The following PEMT variants were observed in gnomAD, a reference collection of about 807,000 sequenced individuals.
PEMT encodes the protein phosphatidylethanolamine N-methyltransferase, also known as phospholipid methyltransferase.
Under a neutral mutation model 27.4 loss-of-function variants are expected in PEMT, and 23 were observed. The ratio of observed to expected loss-of-function variants is 0.84; its 90% CI spans 0.60 to 1.19. PEMT has a LOEUF of 1.19. PEMT is among the 50% of genes most tolerant of loss of function. The pLI, the probability that PEMT is intolerant of heterozygous loss-of-function variation, is 0.00. For synonymous variants in PEMT, 137 were observed against 139.1 expected, an observed-to-expected ratio of 0.98 and a Z score of 0.11; for missense variants, 307 against 310.1, an observed-to-expected ratio of 0.99 and a Z score of 0.07.
At chr17:17,530,046 C>T (rs1370597072) in intron 2 of PEMT, among the ~76,000 whole-genome samples, 1 of 152,204 alleles carries the variant, frequency 6.6e-6, no homozygotes, top group East Asian at 1.9e-4. Context: ...GGGGAAGATA[C>T]ACACACAGAC....
At chr17:17,576,176 C>T (rs767895644) in intron 2 of PEMT, among the ~76,000 whole-genome samples, 55 of 152,114 alleles carry the variant, frequency 3.6e-4, no homozygotes, top group Non-Finnish European at 7.4e-5. Context: ...GCCAGGAACC[C>T]CAAGAGCTTC....
intron 3 of PEMT, among the ~76,000 whole-genome samples, chr17:17,515,460 C>A (rs1229616886): frequency 4.0e-5 from 6 of 151,084 alleles, no homozygotes; most frequent in Admixed American, 3.9e-4. Context: ...AGTCCTGGGG[C>A]CTTTCCTTTC....
rs997266925 is a variant in PEMT at position 17,561,520 on chromosome 17, G to A, written c.204+15400C>T. The stretch of plus-strand genomic sequence containing the variant: ...GGGGGAAGCGGACGGTAAGGCTGGA[G>A]GTAGGAAGAGGGAACAGACGAGGGT... On this transcript the variant is annotated intron_variant, in intron 2 of 6. Coordinates refer to ENST00000255389, the MANE Select transcript of PEMT (RefSeq NM_148172.3). This position sits in a 1 kb window ranked among gnomAD's most constrained non-coding sequence, Gnocchi z 4.5. Among the ~76,000 whole-genome samples, 5 of 152,188 alleles carry A rather than the reference G, an allele frequency of 3.3e-5. No homozygotes were observed. Among genetic ancestry groups the A allele is most frequent in the African/African-American group, 1.2e-4 (5 of 41,446 alleles).
intron 2 of PEMT, chr17:17,565,384 C>T (rs1910763623): frequency 6.6e-6 from 1 of 152,432 alleles, no homozygotes; most frequent in African/African-American, 2.4e-5. Context: ...ATCTCAAGGT[C>T]CAGCAGTAAC....
Position 17,561,886 on chromosome 17 carries a change from G to A in PEMT, c.204+15034C>T, listed in dbSNP as rs1259550471. Among the ~76,000 whole-genome samples the A allele has an allele frequency of 6.6e-6, 1 of 152,212 alleles. No individual in the cohort carries two copies. The highest frequency in any genetic ancestry group is 2.4e-5 in the African/African-American group (1 of 41,456). On this transcript the variant is annotated intron_variant, in intron 2 of 6. Transcript: ENST00000255389. This position sits in a 1 kb window ranked among gnomAD's most constrained non-coding sequence, Gnocchi z 4.5. ...CCACAGGAAGTCCAGTCATAATATT[G>A]ACACAGGCAGGGCACACAGCAGCCG... is the stretch of plus-strand genomic sequence containing the variant.
intron 3 of PEMT, chr17:17,517,837 G>A (rs1383173994): frequency 9.2e-6 from 3 of 327,598 alleles, no homozygotes; most frequent in Non-Finnish European, 1.3e-5. Flanking sequence ...CCAGCCATCT[G>A]AAGAGCCGGC....
intron 4 of PEMT, among the ~76,000 whole-genome samples, chr17:17,510,688 C>G (rs1315697672): frequency 6.6e-6 from 1 of 152,254 alleles, no homozygotes; most frequent in Non-Finnish European, 1.5e-5. Context: ...TAGGCCATGT[C>G]TGCTGGCAGG....
At chr17:17,552,843 T>C (rs1909756584) in intron 2 of PEMT, among the ~76,000 whole-genome samples, 1 of 151,982 alleles carries the variant, frequency 6.6e-6, no homozygotes, top group African/African-American at 2.4e-5. Context: ...AGTGAAGAGG[T>C]GTCAAATCTG....
chr17:17,581,470 G>T lies in PEMT; in HGVS notation c.97-4443C>A, dbSNP rs1321604697. Among the ~76,000 whole-genome samples, 3 of 152,220 alleles carry T rather than the reference G, an allele frequency of 2.0e-5. No individual in the cohort carries two copies. In the East Asian group the frequency reaches 5.8e-4, roughly 29 times the overall value. ...ACCAGACAGAAAGCCCCATAAAAAT[G>T]GGACAAGGATAAAAGTGAGTGCTTC... On this transcript the variant is annotated intron_variant, in intron 1 of 6. Coordinates refer to ENST00000255389, the MANE Select transcript of PEMT (RefSeq NM_148172.3).
intron 5 of PEMT, chr17:17,507,552 AGCAGC>A: frequency 3.4e-6 from 1 of 292,710 alleles, no homozygotes; most frequent in Non-Finnish European, 6.5e-6. Flanking sequence ...CCTGGCAACC[AGCAGC>A]GACCCCACTG....
intron 2 of PEMT, among the ~76,000 whole-genome samples, chr17:17,556,748 C>T (rs1910084376): frequency 6.6e-6 from 1 of 152,170 alleles, no homozygotes; most frequent in Non-Finnish European, 1.5e-5. Flanking sequence ...AGAGAGGCCA[C>T]ATGAGCCACT....
intron 2 of PEMT, among the ~76,000 whole-genome samples, chr17:17,563,640 G>GT (rs1182018250): frequency 6.6e-6 from 1 of 152,230 alleles, no homozygotes; most frequent in Non-Finnish European, 1.5e-5. Context: ...TGCTGCTACC[G>GT]TAAGCGGGTG....
At chr17:17,511,749 G>A (rs1906416718) in intron 4 of PEMT, among the ~76,000 whole-genome samples, 1 of 152,162 alleles carries the variant, frequency 6.6e-6, no homozygotes, top group Non-Finnish European at 1.5e-5. Context: ...GACAGGGACT[G>A]CCTCCTTCTC....
intron 4 of PEMT, among the ~76,000 whole-genome samples, chr17:17,509,902 T>C (rs545579324): frequency 2.6e-5 from 4 of 152,178 alleles, no homozygotes; most frequent in Admixed American, 2.0e-4. Context: ...GCGCCTTTCC[T>C]CCTCAGGCCC....
rs70959685 is a variant in PEMT at position 17,577,089 on chromosome 17, A to T, written c.97-62T>A. On this transcript the variant is annotated intron_variant, in intron 1 of 6. Transcript: ENST00000255389. ...ACAGCAGGGCCTGTGAGCCCCCAGGAGTCGGAGAAAAAGTTACCCTCTGGG... is the reference window on the plus strand; with the variant it reads ...ACAGCAGGGCCTGTGAGCCCCCAGGTGTCGGAGAAAAAGTTACCCTCTGGG... 4.1e-3 allele frequency: 5,272 copies of T among 1,301,184 alleles called. 11 individuals carry two copies. Among genetic ancestry groups the T allele is most frequent in the Non-Finnish European group, 5.0e-3 (4,525 of 900,486 alleles). The allele number at this position is 1,301,184 out of a possible 1,614,324, so 80.6% of individuals were successfully genotyped here. A position where few individuals can be genotyped will look rare whatever the true frequency, so the allele number is the denominator to read the frequency against.
Position 17,523,129 on chromosome 17 carries a change from A to G in PEMT, c.205-734T>C, listed in dbSNP as rs2142543860. On this transcript the variant is annotated intron_variant, in intron 2 of 6. Transcript: ENST00000255389. The surrounding 1 kb of genome is among the most constrained non-coding windows in gnomAD (Gnocchi z 4.8). ...TTATCGCCCGGGCCTGGCCCAGCAC[A>G]CTGAGGAAGGAACGGAGAGGAGGGG... 6.6e-6 allele frequency among the ~76,000 whole-genome samples: 1 copy of G among 151,966 alleles called. No individual in the cohort carries two copies. Among genetic ancestry groups the G allele is most frequent in the South Asian group, 2.1e-4 (1 of 4,788 alleles).
chr17:17,584,381 G>A (rs111467494), intron 1 of PEMT, among the ~76,000 whole-genome samples: 2,313 of 152,200 alleles, frequency 0.015, 49 homozygotes, highest in African/African-American at 0.053. Flanking sequence ...GGATGGTCTC[G>A]ATCTCCTGAC....
intron 1 of PEMT, among the ~76,000 whole-genome samples, chr17:17,588,164 C>T (rs892150902): frequency 1.3e-5 from 2 of 152,184 alleles, no homozygotes; most frequent in African/African-American, 4.8e-5. Context: ...AAAGCCTCAA[C>T]CCTGCTCTGT....
At chr17:17,571,271 A>C (rs1911177067) in intron 2 of PEMT, among the ~76,000 whole-genome samples, 1 of 152,130 alleles carries the variant, frequency 6.6e-6, no homozygotes, top group Admixed American at 6.5e-5. Context: ...AGCAGAATTC[A>C]CAAGAACAGC....
Sources: allele counts gnomAD v4.1 joint callset (sites outside exome capture counted in the v4.1 genomes callset), GRCh38; gene constraint gnomAD v4.1.1; non-coding constraint Gnocchi (gnomAD v3.1); transcripts MANE v1.5; gene names NCBI Gene and HGNC (gene_info 2026-07-23, HGNC 2026-07-21).